Variants in CSNK1G3 observed in about 807,000 individuals in gnomAD.
The protein encoded by CSNK1G3 is casein kinase I isoform gamma-3.
Under a neutral mutation model 64.3 loss-of-function variants are expected in CSNK1G3, and 23 were observed. The ratio of observed to expected loss-of-function variants is 0.36; its 90% CI spans 0.26 to 0.51. The LOEUF (loss-of-function observed/expected upper bound fraction) is 0.51. Ranked by LOEUF, CSNK1G3 falls within the 20% of genes least tolerant of loss-of-function variation. CSNK1G3 has a pLI of 0.96. For missense variants in CSNK1G3, 357 were observed against 510.5 expected (o/e 0.70, Z 2.90); for synonymous variants, 158 against 162.2 (o/e 0.97, Z 0.20).
intron 10 of CSNK1G3, among the ~76,000 whole-genome samples, chr5:123,596,750 A>C (rs1364980313): frequency 1.3e-5 from 2 of 152,126 alleles, no homozygotes; most frequent in Non-Finnish European, 2.9e-5. Flanking sequence ...ATAAGTGATT[A>C]ACTTAATAGG....
intron 10 of CSNK1G3, among the ~76,000 whole-genome samples, chr5:123,603,683 C>T (rs370565151): frequency 6.6e-6 from 1 of 152,000 alleles, no homozygotes; most frequent in African/African-American, 2.4e-5. Context: ...CTCAGAGATG[C>T]TGTTTGAGAA....
intron 3 of CSNK1G3, 56 bp from the exon 4 acceptor site, chr5:123,557,439 G>A (rs1784855338): frequency 7.7e-7 from 1 of 1,298,088 alleles, no homozygotes. Flanking sequence ...ATTTGTGTTG[G>A]GACCTAGTGC....
chr5:123,550,675 CT>C (rs1490450648), intron 2 of CSNK1G3, among the ~76,000 whole-genome samples: 1 of 152,162 alleles, frequency 6.6e-6, no homozygotes, highest in Non-Finnish European at 1.5e-5. Flanking sequence ...CTGGAAATGT[CT>C]TTTAAAATTG....
intron 11 of CSNK1G3, 111 bp from the exon 13 acceptor site, chr5:123,605,228 C>A: frequency 2.1e-6 from 2 of 931,604 alleles, no homozygotes; most frequent in Non-Finnish European, 1.6e-6. Flanking sequence ...AACAACATTG[C>A]TTGGAAAAAA....
intron 6 of CSNK1G3, among the ~76,000 whole-genome samples, chr5:123,577,284 A>C (rs1789360259): frequency 6.6e-6 from 1 of 152,012 alleles, no homozygotes; most frequent in African/African-American, 2.4e-5. Flanking sequence ...AGATTTGGCC[A>C]CTGGATATGC....
At chr5:123,539,203 C>G (rs1039328727) in intron 1 of CSNK1G3, among the ~76,000 whole-genome samples, 3 of 152,042 alleles carry the variant, frequency 2.0e-5, no homozygotes, top group Non-Finnish European at 4.4e-5. Context: ...AATGCCAGCA[C>G]TTTGAGAGGC....
exon 13 of CSNK1G3, chr5:123,614,686 A>G (rs182326896): frequency 9.0e-4 from 239 of 266,550 alleles, no homozygotes; most frequent in Non-Finnish European, 1.5e-3. Flanking sequence ...GTTCCATAGA[A>G]CATTTTCCAG....
intron 1 of CSNK1G3, among the ~76,000 whole-genome samples, chr5:123,514,999 C>T (rs1026036193): frequency 6.6e-6 from 1 of 152,110 alleles, no homozygotes; most frequent in African/African-American, 2.4e-5. Context: ...AGTCAATTTT[C>T]TATCATTGGC....
At chr5:123,579,084 G>A (rs778522151) in intron 6 of CSNK1G3, among the ~76,000 whole-genome samples, 40 of 151,752 alleles carry the variant, frequency 2.6e-4, no homozygotes, top group Non-Finnish European at 4.6e-4. Context: ...CTTGGAGGTC[G>A]TCTAATCCAA....
chr5:123,540,048 A>C (rs1278793208), intron 1 of CSNK1G3, among the ~76,000 whole-genome samples: 43 of 151,976 alleles, frequency 2.8e-4, no homozygotes, highest in Admixed American at 2.8e-3. Flanking sequence ...AAGAGTTAGA[A>C]ATTTCGTTGA....
intron 10 of CSNK1G3, among the ~76,000 whole-genome samples, chr5:123,596,496 CT>C (rs1195728632): frequency 6.6e-6 from 1 of 152,086 alleles, no homozygotes; most frequent in Non-Finnish European, 1.5e-5. Flanking sequence ...CCTACCATTT[CT>C]GTACCATTAC....
intron 8 of CSNK1G3, 36 bp downstream of exon 8, chr5:123,588,547 G>A: frequency 8.2e-7 from 1 of 1,226,332 alleles, no homozygotes; most frequent in South Asian, 1.3e-5. Flanking sequence ...ATTATATACA[G>A]AAAACTAGAA....
At chr5:123,607,123 T>C (rs1196194754) in intron 12 of CSNK1G3, among the ~76,000 whole-genome samples, 1 of 152,024 alleles carries the variant, frequency 6.6e-6, no homozygotes, top group Non-Finnish European at 1.5e-5. Flanking sequence ...GGGAAGGCTA[T>C]TGCTATAGGA....
intron 12 of CSNK1G3, among the ~76,000 whole-genome samples, chr5:123,612,132 A>T (rs1290731519): frequency 1.3e-5 from 2 of 152,194 alleles, no homozygotes; most frequent in African/African-American, 2.4e-5. Flanking sequence ...AAGTTGATAA[A>T]CATTCATCAT....
intron 12 of CSNK1G3, among the ~76,000 whole-genome samples, chr5:123,606,812 G>T (rs1378810327): frequency 2.6e-5 from 4 of 152,114 alleles, no homozygotes; most frequent in Admixed American, 2.6e-4. Context: ...TCATTCAGCA[G>T]TTACACTGCT....
At chr5:123,538,499 G>A (rs938061690) in intron 1 of CSNK1G3, among the ~76,000 whole-genome samples, 7 of 152,032 alleles carry the variant, frequency 4.6e-5, no homozygotes, top group Admixed American at 1.3e-4. Context: ...TATTCAGATC[G>A]TTTCTATATT....
At chr5:123,551,666 T>TC (rs1232170693) in intron 2 of CSNK1G3, among the ~76,000 whole-genome samples, 1 of 152,182 alleles carries the variant, frequency 6.6e-6, no homozygotes, top group East Asian at 1.9e-4. Context: ...TTGCTACTGT[T>TC]CATCAGCTGC....
intron 10 of CSNK1G3, among the ~76,000 whole-genome samples, chr5:123,593,877 A>T (rs1410578848): frequency 3.3e-5 from 5 of 152,084 alleles, no homozygotes; most frequent in Non-Finnish European, 1.5e-5. Flanking sequence ...AATATGCTTG[A>T]GGCTCCCCAT....
In CSNK1G3 at chr5:123,545,410, A is replaced by G. The variant is rs942197569; in HGVS notation, c.-247-7A>G. ...AGTTGACTAATTTCCTTTTCTTAAT[A>G]TTCTAGCTCTCTATCAATATCAGCT... On this transcript the variant is annotated splice_region_variant and splice_polypyrimidine_tract_variant and intron_variant, in intron 1 of 12. Coordinates refer to ENST00000345990, the Ensembl canonical transcript of CSNK1G3. 7 of 318,870 alleles carry G rather than the reference A, an allele frequency of 2.2e-5. No homozygotes were observed. The highest frequency in any genetic ancestry group is 1.5e-4 in the African/African-American group (7 of 47,434). The allele number at this position is 318,870 out of a possible 1,614,324, so 19.8% of individuals were successfully genotyped here. A position where few individuals can be genotyped will look rare whatever the true frequency, so the allele number is the denominator to read the frequency against.
Sources: allele counts gnomAD v4.1 joint callset (sites outside exome capture counted in the v4.1 genomes callset), GRCh38; gene constraint gnomAD v4.1.1; transcripts MANE v1.5; gene names NCBI Gene and HGNC (gene_info 2026-07-23, HGNC 2026-07-21).